Variants in RUSC2 observed in about 807,000 individuals in gnomAD.
The protein encoded by RUSC2 is AP-4 complex accessory subunit RUSC2.
Under a neutral mutation model 122.2 loss-of-function variants are expected in RUSC2, and 34 were observed. The ratio of observed to expected loss-of-function variants is 0.28; its 90% CI spans 0.21 to 0.37. RUSC2 has a LOEUF of 0.37. Ranked by LOEUF, RUSC2 falls within the 10% of genes least tolerant of loss-of-function variation. The pLI is 1.00. For synonymous variants in RUSC2, 784 were observed against 790.0 expected (o/e 0.99, Z 0.13); for missense variants, 1,747 against 1,952.4 (o/e 0.89, Z 1.98).
chr9:35,546,977 C>G lies in RUSC2; in HGVS notation c.456C>G (p.Gly152=). 2 of 1,588,926 alleles carry G rather than the reference C, an allele frequency of 1.3e-6. No homozygotes were observed. The highest frequency in any genetic ancestry group is 4.5e-5 in the East Asian group (2 of 44,606). Residue 152 remains glycine (G), a synonymous_variant, in exon 2 of 12, where the codon GGC becomes GGG. Transcript: ENST00000361226. This position sits in a 1 kb window ranked among gnomAD's most constrained non-coding sequence, Gnocchi z 4.3. ...CCTCTTTCCAGCTGCCACCATCTGG[C>G]CCCAGAGTGGGCAGGCCATGGGGGA... is the stretch of plus-strand genomic sequence containing the variant. The part of the protein sequence containing the change: ...HLSSFQLPPS[G]PRVGRPWGTT...
chr9:35,491,431 C>T (rs1373336073), intron 1 of RUSC2, among the ~76,000 whole-genome samples: 1 of 152,156 alleles, frequency 6.6e-6, no homozygotes, highest in East Asian at 1.9e-4. Context: ...AACAGTATAC[C>T]TGGTATTCTG....
Position 35,547,576 on chromosome 9 carries a change from C to T in RUSC2, c.1055C>T (p.Pro352Leu). Residue 352 changes from proline (P) to leucine (L), a missense_variant, in exon 2 of 12, where the codon CCT becomes CTT. Transcript: ENST00000361226. This position sits in a 1 kb window ranked among gnomAD's most constrained non-coding sequence, Gnocchi z 4.6. The part of the protein sequence containing the change: ...SGGREGGYGC[P>L]HASSPELDAN... ...GGAAGGGAAGGGGGCTATGGTTGCC[C>T]TCATGCCTCTTCTCCTGAGCTTGAT... 2 of 1,614,200 alleles carry T rather than the reference C, an allele frequency of 1.2e-6. No individual in the cohort carries two copies. The highest frequency in any genetic ancestry group is 2.2e-5 in the South Asian group (2 of 91,090).
chr9:35,520,128 C>T (rs539734905), intron 1 of RUSC2, among the ~76,000 whole-genome samples: 2 of 152,308 alleles, frequency 1.3e-5, no homozygotes, highest in South Asian at 4.1e-4. Context: ...TTTTTGCTGC[C>T]ACCTGCGAGT....
At position 35,548,161 on chromosome 9, in the gene RUSC2, T is replaced by C. The variant is rs1162587541; in HGVS notation, c.1640T>C (p.Leu547Pro). 8.7e-6 allele frequency: 14 copies of C among 1,613,348 alleles called. No individual in the cohort carries two copies. The highest frequency in any genetic ancestry group is 1.2e-5 in the Non-Finnish European group (14 of 1,180,008). The change falls in exon 2 of 12, where the codon CTG (leucine) becomes CCG (proline). Residue 547 changes from leucine to proline, a missense_variant. Coordinates refer to ENST00000361226, the MANE Select transcript of RUSC2 (RefSeq NM_014806.5). The surrounding 1 kb of genome is among the most constrained non-coding windows in gnomAD (Gnocchi z 4.5). ...AGGAGGGTCACCTCCTTTGCCGAGCTGGCCAAGGGCCGGAAGAAAACTGGA... is the reference window on the plus strand; with the variant it reads ...AGGAGGGTCACCTCCTTTGCCGAGCCGGCCAAGGGCCGGAAGAAAACTGGA... ...PPRRVTSFAE[L>P]AKGRKKTGGS...
intron 1 of RUSC2, among the ~76,000 whole-genome samples, chr9:35,523,109 A>C (rs1821246949): frequency 6.6e-6 from 1 of 152,216 alleles, no homozygotes; most frequent in Non-Finnish European, 1.5e-5. Flanking sequence ...GAAATGCAAA[A>C]CTTTTCTCTG....
intron 1 of RUSC2, among the ~76,000 whole-genome samples, chr9:35,506,109 C>T (rs529318388): frequency 2.6e-5 from 4 of 152,136 alleles, no homozygotes; most frequent in Non-Finnish European, 5.9e-5. Flanking sequence ...TAAAAACTAT[C>T]ATAACTAATA....
At position 35,558,231 on chromosome 9, in the gene RUSC2, T is replaced by C. The variant is rs773890521; in HGVS notation, c.3095T>C (p.Val1032Ala). The change falls in exon 7 of 12, where the codon GTG becomes GCG. Residue 1032 changes from valine to alanine, a missense_variant. Coordinates refer to ENST00000361226, the MANE Select transcript of RUSC2 (RefSeq NM_014806.5). This position sits in a 1 kb window ranked among gnomAD's most constrained non-coding sequence, Gnocchi z 4.3. ...GGAAACAGTTCTGTGAGCCCCAATG[T>C]GGGCCACCTGGTTCTGAAGTACTTG... The part of the protein sequence containing the change: ...KLGNSSVSPN[V>A]GHLVLKYLCP... 4 of 1,613,860 alleles carry C rather than the reference T, an allele frequency of 2.5e-6. No homozygotes were observed. Among genetic ancestry groups the C allele is most frequent in the Non-Finnish European group, 2.5e-6 (3 of 1,180,032 alleles).
Position 35,555,735 on chromosome 9 carries a change from C to T in RUSC2, c.2656+34C>T. 1 of 1,560,862 alleles carries T rather than the reference C, an allele frequency of 6.4e-7. No homozygotes were observed. The highest frequency in any genetic ancestry group is 8.6e-7 in the Non-Finnish European group (1 of 1,166,150). On this transcript the variant is annotated intron_variant, in intron 3 of 11. Coordinates refer to ENST00000361226, the MANE Select transcript of RUSC2 (RefSeq NM_014806.5). The surrounding 1 kb of genome is among the most constrained non-coding windows in gnomAD (Gnocchi z 4.6). ...TCCAGCATCTCCCTACCCAACCCGC[C>T]ACCTCACGCAAGCACTTCCACCACC...
Position 35,561,872 on chromosome 9 carries a change from TA to T in RUSC2, c.*496del. ...TTTATTTATTTATTATACCTATTAA[TA>T]AAAAAGGTGCTCAGCCTCCAAACCA... On this transcript the variant is annotated 3_prime_UTR_variant, in exon 12 of 12. Transcript: ENST00000361226. The T allele has an allele frequency of 2.9e-6, 2 of 684,164 alleles. No homozygotes were observed. 42.4% of individuals were successfully genotyped at this position (684,164 alleles called of 1,614,324 possible). A position where few individuals can be genotyped will look rare whatever the true frequency, so the allele number is the denominator to read the frequency against.
intron 1 of RUSC2, among the ~76,000 whole-genome samples, chr9:35,542,675 G>A (rs1322952079): frequency 2.0e-5 from 3 of 152,204 alleles, no homozygotes; most frequent in Non-Finnish European, 4.4e-5. Flanking sequence ...AGAGTTCACT[G>A]TATTGCAGTC....
At chr9:35,529,560 C>T (rs1258401933) in intron 1 of RUSC2, among the ~76,000 whole-genome samples, 1 of 150,250 alleles carries the variant, frequency 6.7e-6, no homozygotes, top group Non-Finnish European at 1.5e-5. Context: ...ACTTTGCAGC[C>T]TTTGCTAATG....
rs780680642 is a variant in RUSC2, at chr9:35,546,839, G to A, written c.318G>A (p.Gln106=). 1 of 1,611,034 alleles carries A rather than the reference G, an allele frequency of 6.2e-7. No homozygotes were observed. The change falls in exon 2 of 12, where the codon CAG becomes CAA. Residue 106 remains glutamine, a synonymous_variant. Transcript: ENST00000361226. This position sits in a 1 kb window ranked among gnomAD's most constrained non-coding sequence, Gnocchi z 4.3. Reference sequence around the variant, plus strand: ...AACGACACAACCCCTTCTTGCTGCAGGAGGGTGTGGGTGAGCCAGGACTTG... The same window carrying A: ...AACGACACAACCCCTTCTTGCTGCAAGAGGGTGTGGGTGAGCCAGGACTTG... ...APKRHNPFLL[Q]EGVGEPGLGD...
At position 35,560,654 on chromosome 9, in the gene RUSC2, A is replaced by G. The variant is rs1288015920; in HGVS notation, c.4014A>G (p.Glu1338=). ...CCTCTGAGGAGGCCCTGGGCCGGGAAAGGGGCTGGCCCTTCTGGATGGGGA... is the reference window on the plus strand; with the variant it reads ...CCTCTGAGGAGGCCCTGGGCCGGGAGAGGGGCTGGCCCTTCTGGATGGGGA... ...CPASEEALGR[E]RGWPFWMGSP... The change falls in exon 10 of 12, where the codon GAA becomes GAG. Residue 1338 remains glutamate, a synonymous_variant. Transcript: ENST00000361226. The G allele has an allele frequency of 6.3e-7, 1 of 1,594,384 alleles. No individual in the cohort carries two copies. The highest frequency in any genetic ancestry group is 1.8e-5 in the Admixed American group (1 of 56,220).
At position 35,558,302 on chromosome 9, in the gene RUSC2, G is replaced by A; in HGVS notation, c.3166G>A (p.Val1056Ile). Residue 1056 changes from valine to isoleucine, a missense_variant, in exon 7 of 12, where the codon GTA becomes ATA. Val to Ile is a conservative substitution (Grantham distance 29). Transcript: ENST00000361226. This position sits in a 1 kb window ranked among gnomAD's most constrained non-coding sequence, Gnocchi z 4.3. ...AVLEDGLKAF[V>I]LDVIIGQRKN... ...GCTGGAGGATGGGCTCAAGGCCTTTGTACTGGACGTCATCATCGGGCAGCG... is the reference window on the plus strand; with the variant it reads ...GCTGGAGGATGGGCTCAAGGCCTTTATACTGGACGTCATCATCGGGCAGCG... 1 of 1,614,150 alleles carries A rather than the reference G, an allele frequency of 6.2e-7. No homozygotes were observed. Among genetic ancestry groups the A allele is most frequent in the Non-Finnish European group, 8.5e-7 (1 of 1,180,032 alleles).
intron 1 of RUSC2, among the ~76,000 whole-genome samples, chr9:35,532,627 TC>T (rs1821442790): frequency 1.3e-5 from 2 of 151,806 alleles, no homozygotes; most frequent in East Asian, 3.9e-4. Context: ...GCACCTGTAA[TC>T]CCAGCTACTT....
chr9:35,508,196 C>T (rs560391793), intron 1 of RUSC2, among the ~76,000 whole-genome samples: 1 of 152,336 alleles, frequency 6.6e-6, no homozygotes, highest in East Asian at 1.9e-4. Flanking sequence ...GCCATCCTCT[C>T]CTCTCTAGTT....
rs1415273408 is a variant in RUSC2 at position 35,561,823 on chromosome 9, C to A, written c.*441C>A. ...TGGTCATCAGAAGAGGGAGGAGGAG[C>A]CCAGGCGTCTGTTTATGTATTTATT... On this transcript the variant is annotated 3_prime_UTR_variant, in exon 12 of 12. Coordinates refer to ENST00000361226, the MANE Select transcript of RUSC2 (RefSeq NM_014806.5). 2 of 592,872 alleles carry A rather than the reference C, an allele frequency of 3.4e-6. No homozygotes were observed. The highest frequency in any genetic ancestry group is 5.3e-5 in the Admixed American group (2 of 37,410). The allele number at this position is 592,872 out of a possible 1,614,324, so 36.7% of individuals were successfully genotyped here.
At position 35,547,164 on chromosome 9, in the gene RUSC2, G is replaced by T; in HGVS notation, c.643G>T (p.Gly215Cys). The stretch of plus-strand genomic sequence containing the variant: ...GGGACCTGGTGGGAGTGGCAGTGGG[G>T]GTGGAGCCAGCGATACCTCTGGCTT... ...CGGPGGSGSG[G>C]GASDTSGFSF... The change falls in exon 2 of 12, where the codon GGT becomes TGT. Residue 215 changes from glycine to cysteine, a missense_variant. Transcript: ENST00000361226. This position sits in a 1 kb window ranked among gnomAD's most constrained non-coding sequence, Gnocchi z 4.6. The T allele has an allele frequency of 6.2e-7, 1 of 1,614,160 alleles. No homozygotes were observed. Among genetic ancestry groups the T allele is most frequent in the Non-Finnish European group, 8.5e-7 (1 of 1,180,032 alleles).
intron 2 of RUSC2, among the ~76,000 whole-genome samples, chr9:35,549,555 G>A (rs1300483951): frequency 6.6e-6 from 1 of 152,190 alleles, no homozygotes; most frequent in Non-Finnish European, 1.5e-5. Context: ...GCCAGTGAAA[G>A]GGGTATGTAA....
Sources: allele counts gnomAD v4.1 joint callset (sites outside exome capture counted in the v4.1 genomes callset), GRCh38; gene constraint gnomAD v4.1.1; non-coding constraint Gnocchi (gnomAD v3.1); transcripts MANE v1.5; gene names NCBI Gene and HGNC (gene_info 2026-07-23, HGNC 2026-07-21).